Variants in ATF2 observed in about 807,000 individuals in gnomAD.
ATF2 encodes cyclic AMP-dependent transcription factor ATF-2.
ATF2 carries 24 observed loss-of-function variants against 60.6 expected under a neutral mutation model. The observed-to-expected ratio is 0.40, with a 90% CI of 0.29 to 0.56. The LOEUF (loss-of-function observed/expected upper bound fraction) is 0.56. ATF2 is among the 20% of genes least tolerant of loss of function. The pLI is 0.54. For missense variants in ATF2, 433 were observed against 607.7 expected (o/e 0.71, Z 3.02); for synonymous variants, 206 against 215.4 (o/e 0.96, Z 0.38).
rs924690496 is a variant in ATF2, at chr2:175,118,476, T to C, written c.200-107A>G. The C allele has an allele frequency of 3.2e-6, 3 of 943,518 alleles. No individual in the cohort carries two copies. In the African/African-American group the frequency reaches 5.2e-5, roughly 16 times the overall value. The allele number at this position is 943,518 out of a possible 1,614,324, so 58.4% of individuals were successfully genotyped here. On this transcript the variant is annotated intron_variant, in intron 5 of 13. Transcript: ENST00000264110. ...CAGGACTGGTTCAGTCAGTTGTTAA[T>C]TCTCTCTTTGGAAAGACCTCTTCCT...
chr2:175,131,931 C>T (rs1697758222), intron 3 of ATF2, among the ~76,000 whole-genome samples: 1 of 152,108 alleles, frequency 6.6e-6, no homozygotes, highest in Admixed American at 6.5e-5. Context: ...TGCATGTTAA[C>T]ACATATTTTT....
At chr2:175,092,586 A>T in intron 12 of ATF2, 1 of 453,070 alleles carries the variant, frequency 2.2e-6, no homozygotes, top group Non-Finnish European at 4.5e-6. Flanking sequence ...CAAAGCTGTC[A>T]ATCTGGCACC....
At chr2:175,161,053 A>C (rs1202709543) in intron 1 of ATF2, among the ~76,000 whole-genome samples, 1 of 152,132 alleles carries the variant, frequency 6.6e-6, no homozygotes, top group African/African-American at 2.4e-5. Context: ...TACAAAGATA[A>C]TTGGATTTTA....
intron 2 of ATF2, among the ~76,000 whole-genome samples, chr2:175,146,432 A>G (rs1698955013): frequency 6.6e-6 from 1 of 152,232 alleles, no homozygotes; most frequent in Non-Finnish European, 1.5e-5. Context: ...TTTCATGGAC[A>G]TATTGTGATT....
chr2:175,078,131 C>T (rs1574303660), intron 13 of ATF2, among the ~76,000 whole-genome samples: 1 of 152,090 alleles, frequency 6.6e-6, no homozygotes, highest in Non-Finnish European at 1.5e-5. Context: ...AAATGCCTGG[C>T]TTTTTTAAAC....
chr2:175,112,862 G>A (rs1395525744), intron 9 of ATF2, among the ~76,000 whole-genome samples: 1 of 152,204 alleles, frequency 6.6e-6, no homozygotes, highest in Non-Finnish European at 1.5e-5. Context: ...TGGGATTACA[G>A]GCATGAGCCA....
At chr2:175,158,605 G>A (rs1354926388) in intron 1 of ATF2, among the ~76,000 whole-genome samples, 1 of 151,958 alleles carries the variant, frequency 6.6e-6, no homozygotes, top group Non-Finnish European at 1.5e-5. Flanking sequence ...TGGAAACTGA[G>A]GTCATCTCTA....
intron 3 of ATF2, among the ~76,000 whole-genome samples, chr2:175,135,544 T>C (rs986387050): frequency 1.3e-5 from 2 of 152,158 alleles, no homozygotes; most frequent in African/African-American, 4.8e-5. Flanking sequence ...CAAAAAACAC[T>C]AAGATGAATC....
chr2:175,132,719 G>T (rs556331839), intron 3 of ATF2: 1 of 152,242 alleles, frequency 6.6e-6, no homozygotes, highest in South Asian at 2.1e-4. Flanking sequence ...GAGCCTGGAG[G>T]TTTCTCTTCT....
chr2:175,107,801 G>A (rs1049936995), intron 10 of ATF2, among the ~76,000 whole-genome samples: 5 of 152,216 alleles, frequency 3.3e-5, no homozygotes, highest in East Asian at 1.9e-4. Flanking sequence ...GCTCCTAACC[G>A]CGAGTGATCT....
chr2:175,097,702 TAG>T, intron 10 of ATF2, 109 bp from the exon 11 acceptor site: 1 of 1,129,192 alleles, frequency 8.9e-7, no homozygotes, highest in Non-Finnish European at 1.3e-6. Flanking sequence ...TCCTTTTGCC[TAG>T]TACTACTAGA....
At chr2:175,140,096 T>C (rs150945469) in intron 2 of ATF2, among the ~76,000 whole-genome samples, 2,462 of 152,314 alleles carry the variant, frequency 0.016, 22 homozygotes, top group Non-Finnish European at 0.025. Context: ...TTTAATTTCA[T>C]AGAGGTAACT....
At position 175,141,032 on chromosome 2, in the gene ATF2, T is replaced by C. The variant is rs200490045; in HGVS notation, c.-43-4546A>G. Among the ~76,000 whole-genome samples, 92 of 74,864 alleles carry C rather than the reference T, an allele frequency of 1.2e-3. 1 individual carries two copies. The highest frequency in any genetic ancestry group is 4.2e-3 in the African/African-American group (86 of 20,434). 49.1% of individuals were successfully genotyped at this position (74,864 alleles called of 152,430 possible). A position where few individuals can be genotyped will look rare whatever the true frequency, so the allele number is the denominator to read the frequency against. On this transcript the variant is annotated intron_variant, in intron 2 of 13. Transcript: ENST00000264110. ...AAAAAAAAAAAAAAAAAAAAAAAAA[T>C]ATATATATATATATATATATGTATA...
intron 2 of ATF2, among the ~76,000 whole-genome samples, chr2:175,139,051 G>A (rs1698322285): frequency 6.6e-6 from 1 of 152,148 alleles, no homozygotes; most frequent in Admixed American, 6.5e-5. Context: ...GTTGTTGTAA[G>A]CATTTTAAAA....
chr2:175,139,154 T>C lies in ATF2; in HGVS notation c.-43-2668A>G, dbSNP rs566737000. On this transcript the variant is annotated intron_variant, in intron 2 of 13. Coordinates refer to ENST00000264110, the MANE Select transcript of ATF2 (RefSeq NM_001880.4). ...CTATTATTTCTACTGTTATTAAAAT[T>C]ATAAGGCTGTCTCTATTCATCGTTG... is the stretch of plus-strand genomic sequence containing the variant. 6.6e-5 allele frequency among the ~76,000 whole-genome samples: 10 copies of C among 152,354 alleles called. 2 individuals are homozygous for C. The highest frequency in any genetic ancestry group is 2.4e-4 in the African/African-American group (10 of 41,588).
At chr2:175,167,396 C>CTGGGGGTAGCGGGATTG (rs1700430930) in intron 1 of ATF2, among the ~76,000 whole-genome samples, 1 of 151,996 alleles carries the variant, frequency 6.6e-6, no homozygotes, top group Non-Finnish European at 1.5e-5. Context: ...CGGGAAAAAG[C>CTGGGGGTAGCGGGATTG]TGGGGGTAGC....
At chr2:175,163,931 A>AAAAAAAAAAAAAAAAAAAAAAAAT (rs1700184753) in intron 1 of ATF2, among the ~76,000 whole-genome samples, 1 of 148,114 alleles carries the variant, frequency 6.8e-6, no homozygotes, top group Non-Finnish European at 1.5e-5. Context: ...AAAAAAAAAA[A>AAAAAAAAAAAAAAAAAAAAAAAAT]AGAAAAGTGA....
chr2:175,094,963 T>C (rs1694827629), intron 11 of ATF2, among the ~76,000 whole-genome samples: 2 of 152,190 alleles, frequency 1.3e-5, no homozygotes, highest in African/African-American at 4.8e-5. Flanking sequence ...ATTTTAATTG[T>C]AATAAAGATT....
intron 10 of ATF2, among the ~76,000 whole-genome samples, chr2:175,111,112 C>T (rs1427369741): frequency 1.3e-5 from 2 of 152,144 alleles, no homozygotes; most frequent in Admixed American, 6.5e-5. Context: ...TTAAAATACA[C>T]ATCTAAACAT....
Sources: gnomAD v4.1 joint callset for allele counts (sites outside exome capture counted in the v4.1 genomes callset) on GRCh38, gnomAD v4.1.1 for gene constraint, MANE v1.5 for transcripts, NCBI Gene and HGNC (gene_info 2026-07-23, HGNC 2026-07-21) for gene names.